CHRNA4: variants seen among roughly 807,000 people sequenced by gnomAD.
The protein encoded by CHRNA4 is neuronal acetylcholine receptor subunit alpha-4.
CHRNA4 carries 28 observed loss-of-function variants against 48.9 expected under a neutral mutation model. The observed-to-expected ratio is 0.57, with a 90% CI of 0.42 to 0.79. CHRNA4 has a LOEUF of 0.79. Among genes scored for constraint, CHRNA4 ranks in the 30% least tolerant of loss-of-function variants. CHRNA4 has a pLI of 0.00. For synonymous variants in CHRNA4, 425 were observed against 402.3 expected (o/e 1.06, Z -0.68); for missense variants, 859 against 898.4 (o/e 0.96, Z 0.56).
At chr20:63,348,688 C>T (rs1306150151) in intron 5 of CHRNA4, among the ~76,000 whole-genome samples, 3 of 152,192 alleles carry the variant, frequency 2.0e-5, no homozygotes, top group African/African-American at 2.4e-5. Context: ...GCCGAATTGC[C>T]GCTGTGGACG....
chr20:63,358,351 T>C (rs2068750547), intron 2 of CHRNA4, among the ~76,000 whole-genome samples: 1 of 152,194 alleles, frequency 6.6e-6, no homozygotes, highest in Admixed American at 6.5e-5. Flanking sequence ...GAAGCAGCTC[T>C]CACCCCGTTT....
chr20:63,352,147 C>A (rs2068625590), intron 4 of CHRNA4, among the ~76,000 whole-genome samples: 2 of 150,530 alleles, frequency 1.3e-5, no homozygotes, highest in Admixed American at 1.3e-4. Context: ...TGGACCCCTG[C>A]CCATCCCTCC....
intron 5 of CHRNA4, among the ~76,000 whole-genome samples, chr20:63,348,533 C>T (rs909356523): frequency 5.9e-5 from 9 of 152,266 alleles, no homozygotes; most frequent in Non-Finnish European, 1.0e-4. Context: ...CAGATGCGTC[C>T]GAATAAACCA....
intron 2 of CHRNA4, among the ~76,000 whole-genome samples, chr20:63,357,903 T>C (rs2145405305): frequency 6.6e-6 from 1 of 152,256 alleles, no homozygotes; most frequent in East Asian, 1.9e-4. Context: ...CAGGCCTCAA[T>C]GTCTCCTGGG....
In CHRNA4 at chr20:63,346,770, A is replaced by G; in HGVS notation, c.1852T>C (p.Phe618Leu). ...IVCLLGTVGL[F>L]LPPWLAGMI ...ATGCCAGCCAGCCAGGGCGGCAGGAAGAGGCCCACCGTCCCCAGCAGGCAG... is the reference window on the plus strand; with the variant it reads ...ATGCCAGCCAGCCAGGGCGGCAGGAGGAGGCCCACCGTCCCCAGCAGGCAG... Residue 618 changes from phenylalanine to leucine, a missense_variant, in exon 6 of 6, where the codon TTC becomes CTC. Physicochemically the swap from Phe to Leu is conservative, Grantham distance 22. Transcript: ENST00000370263. 6.2e-7 allele frequency: 1 copy of G among 1,611,944 alleles called. No individual in the cohort carries two copies. The highest frequency in any genetic ancestry group is 8.5e-7 in the Non-Finnish European group (1 of 1,179,698).
intron 1 of CHRNA4, chr20:63,360,876 T>G: frequency 2.4e-6 from 1 of 423,808 alleles, no homozygotes; most frequent in Non-Finnish European, 4.1e-6. Context: ...TTCCCAGCCC[T>G]CCGCATTCGC....
intron 4 of CHRNA4, chr20:63,355,527 T>G: frequency 7.7e-7 from 1 of 1,291,150 alleles, no homozygotes; most frequent in Non-Finnish European, 1.0e-6. Context: ...GTCCACACTA[T>G]TCTCCCAGAA....
intron 3 of CHRNA4, 71 bp from the exon 4 acceptor site, chr20:63,356,155 A>C (rs899969517): frequency 1.4e-5 from 3 of 214,352 alleles, no homozygotes; most frequent in Non-Finnish European, 8.5e-6. Flanking sequence ...GGACAGGGCC[A>C]GGGTGGGGCA....
In CHRNA4 at chr20:63,344,622, T is replaced by G. The variant is rs2068459798; in HGVS notation, c.*2116A>C. The G allele has an allele frequency of 2.2e-6, 1 of 453,636 alleles. No homozygotes were observed. Among genetic ancestry groups the G allele is most frequent in the Admixed American group, 2.3e-5 (1 of 42,556 alleles). 28.1% of individuals were successfully genotyped at this position (453,636 alleles called of 1,614,324 possible). A position where few individuals can be genotyped will look rare whatever the true frequency, so the allele number is the denominator to read the frequency against. Reference sequence around the variant, plus strand: ...TGACCCAGAAAAGAACAACCACAGCTGGGCCCAGCACCCCGGGCCACTCCC... The same window carrying G: ...TGACCCAGAAAAGAACAACCACAGCGGGGCCCAGCACCCCGGGCCACTCCC... On this transcript the variant is annotated 3_prime_UTR_variant, in exon 6 of 6. Coordinates refer to ENST00000370263, the MANE Select transcript of CHRNA4 (RefSeq NM_000744.7). This position sits in a 1 kb window ranked among gnomAD's most constrained non-coding sequence, Gnocchi z 4.5.
At chr20:63,354,533 C>G in intron 4 of CHRNA4, 3 of 942,262 alleles carry the variant, frequency 3.2e-6, no homozygotes, top group South Asian at 4.9e-5. Context: ...AGCTGTGAAC[C>G]TGGTGGGGGC....
chr20:63,359,520 AGT>A (rs1568819404), intron 2 of CHRNA4, 26 bp downstream of exon 2: 2 of 1,612,252 alleles, frequency 1.2e-6, no homozygotes, highest in African/African-American at 1.3e-5. Context: ...CCTCAGTCAC[AGT>A]GCACGATGGC....
intron 2 of CHRNA4, among the ~76,000 whole-genome samples, chr20:63,357,148 G>C (rs2068733032): frequency 9.4e-6 from 1 of 106,430 alleles, no homozygotes; most frequent in South Asian, 3.1e-4. Context: ...TGTCCCCACA[G>C]GACCACGTCT....
Position 63,350,144 on chromosome 20 carries a change from T to C in CHRNA4, c.1267A>G (p.Lys423Glu), listed in dbSNP as rs1347276375. ...DVPAEPGPSC[K>E]SPSDQLPPQQ... ...GGAGGGAGCTGGTCGGAGGGTGACT[T>C]GCAGGAAGGCCCAGGCTCAGCCGGC... Residue 423 changes from lysine to glutamate, a missense_variant, in exon 5 of 6, where the codon AAG becomes GAG. Coordinates refer to ENST00000370263, the MANE Select transcript of CHRNA4 (RefSeq NM_000744.7). 1 of 1,572,260 alleles carries C rather than the reference T, an allele frequency of 6.4e-7. No homozygotes were observed. Among genetic ancestry groups the C allele is most frequent in the Non-Finnish European group, 8.6e-7 (1 of 1,156,532 alleles).
chr20:63,360,938 G>T, intron 1 of CHRNA4, 152 bp downstream of exon 1: 1 of 598,748 alleles, frequency 1.7e-6, no homozygotes, highest in Non-Finnish European at 2.6e-6. Flanking sequence ...AGCGCAGCCT[G>T]TGCGGCTGGG....
At chr20:63,354,062 T>C (rs2068675430) in intron 4 of CHRNA4, among the ~76,000 whole-genome samples, 2 of 121,644 alleles carry the variant, frequency 1.6e-5, no homozygotes, top group Non-Finnish European at 3.5e-5. Context: ...AGGCAAGAAC[T>C]GTGATCCTTG....
At chr20:63,359,907 G>GTGCCGGGCGTGCGC (rs2068786098) in intron 1 of CHRNA4, 1 of 427,254 alleles carries the variant, frequency 2.3e-6, no homozygotes. Context: ...CTGTGTGTGT[G>GTGCCGGGCGTGCGC]TGTGTGTGTG....
At chr20:63,359,881 G>A in intron 1 of CHRNA4, 182 bp from the exon 2 acceptor site, 2 of 584,292 alleles carry the variant, frequency 3.4e-6, no homozygotes, top group Non-Finnish European at 5.8e-6. Flanking sequence ...GTGTGTGTGT[G>A]TGTGCCGGGC....
At chr20:63,351,497 A>C (rs1262830325) in intron 4 of CHRNA4, among the ~76,000 whole-genome samples, 1 of 152,032 alleles carries the variant, frequency 6.6e-6, no homozygotes, top group African/African-American at 2.4e-5. Context: ...TCCCAGCGTC[A>C]CCTCCTGGGA....
intron 2 of CHRNA4, among the ~76,000 whole-genome samples, chr20:63,358,689 C>T (rs1021413453): frequency 2.0e-5 from 3 of 152,212 alleles, no homozygotes; most frequent in Non-Finnish European, 4.4e-5. Flanking sequence ...TGCCCTCCTC[C>T]ATGGTGGCAG....
Sources: allele counts gnomAD v4.1 joint callset (sites outside exome capture counted in the v4.1 genomes callset), GRCh38; gene constraint gnomAD v4.1.1; non-coding constraint Gnocchi (gnomAD v3.1); transcripts MANE v1.5; gene names NCBI Gene and HGNC (gene_info 2026-07-23, HGNC 2026-07-21).